The following ITGB8 variants were observed in gnomAD, a reference collection of about 807,000 sequenced individuals.
ITGB8 encodes the protein integrin beta-8.
In ITGB8, 30 loss-of-function variants were observed where a neutral mutation model predicts 89.5. The ratio of observed to expected loss-of-function variants is 0.34; its 90% CI spans 0.25 to 0.45. The LOEUF (loss-of-function observed/expected upper bound fraction) is 0.45. ITGB8 is among the 20% of genes least tolerant of loss of function. The probability of loss-of-function intolerance (pLI) is 1.00; values close to 1 mark genes in which losing one functional copy is unlikely to be tolerated. For missense variants in ITGB8, 836 were observed against 933.3 expected (o/e 0.90, Z 1.36); for synonymous variants, 335 against 320.4 (o/e 1.05, Z -0.49).
chr7:20,407,167 G>A (rs75187459), intron 12 of ITGB8, among the ~76,000 whole-genome samples: 2,102 of 152,204 alleles, frequency 0.014, 54 homozygotes, highest in African/African-American at 0.049. Flanking sequence ...GCCTTTCCAT[G>A]GAAGTACGTT....
At chr7:20,339,027 A>G (rs1355025928) in intron 1 of ITGB8, among the ~76,000 whole-genome samples, 3 of 152,096 alleles carry the variant, frequency 2.0e-5, no homozygotes, top group Admixed American at 2.0e-4. Flanking sequence ...CCCTGTCTCT[A>G]CTAAAAATAC....
At chr7:20,336,222 G>A (rs192995908) in intron 1 of ITGB8, among the ~76,000 whole-genome samples, 2 of 151,938 alleles carry the variant, frequency 1.3e-5, no homozygotes, top group South Asian at 4.2e-4. Context: ...AGCCAGGATC[G>A]TCTTGATCTC....
chr7:20,336,655 C>A (rs777450138), intron 1 of ITGB8, among the ~76,000 whole-genome samples: 8 of 152,164 alleles, frequency 5.3e-5, no homozygotes, highest in Non-Finnish European at 8.8e-5. Flanking sequence ...TCATTTCAAA[C>A]CTTTGTCCAC....
intron 1 of ITGB8, among the ~76,000 whole-genome samples, chr7:20,346,240 G>C (rs550417864): frequency 3.9e-5 from 6 of 152,304 alleles, no homozygotes; most frequent in Non-Finnish European, 5.9e-5. Context: ...AAGTTCTCAG[G>C]GGAGAGCCAG....
chr7:20,406,019 C>A, intron 11 of ITGB8, 43 bp from the exon 12 acceptor site: 1 of 1,179,840 alleles, frequency 8.5e-7, no homozygotes, highest in Non-Finnish European at 1.3e-6. Flanking sequence ...AGTCCACCAC[C>A]TTTTTAAAGA....
At position 20,331,529 on chromosome 7, in the gene ITGB8, C is replaced by T. The variant is rs961363922; in HGVS notation, c.-278C>T. The stretch of plus-strand genomic sequence containing the variant: ...GCCCTTGCAGAGCCCTCTCTCCAGT[C>T]GCCGCCGGGGCCCTTGGCCGTCGAA... On this transcript the variant is annotated 5_prime_UTR_variant, in exon 1 of 14. Coordinates refer to ENST00000222573, the MANE Select transcript of ITGB8 (RefSeq NM_002214.3). The T allele has an allele frequency of 3.4e-5, 15 of 441,086 alleles. No individual in the cohort carries two copies. The highest frequency in any genetic ancestry group is 1.7e-4 in the Admixed American group (4 of 22,902). The allele number at this position is 441,086 out of a possible 1,614,324, so 27.3% of individuals were successfully genotyped here.
chr7:20,345,190 G>A (rs10262599), intron 1 of ITGB8, among the ~76,000 whole-genome samples: 140,492 of 152,204 alleles, frequency 0.92, 64,910 homozygotes, highest in East Asian at 0.99. Context: ...CTGCCTCAAT[G>A]ATATATAACT....
intron 1 of ITGB8, among the ~76,000 whole-genome samples, chr7:20,350,342 T>C (rs1319079198): frequency 1.3e-5 from 2 of 152,190 alleles, no homozygotes; most frequent in Non-Finnish European, 2.9e-5. Context: ...GAGACGGGGT[T>C]TTGCCATGTT....
At chr7:20,373,891 T>A (rs1786031055) in intron 3 of ITGB8, among the ~76,000 whole-genome samples, 1 of 152,208 alleles carries the variant, frequency 6.6e-6, no homozygotes, top group Non-Finnish European at 1.5e-5. Context: ...TCAGAGATGC[T>A]CACACCATTC....
chr7:20,395,071 G>T, intron 8 of ITGB8, 86 bp downstream of exon 8: 1 of 734,764 alleles, frequency 1.4e-6, no homozygotes. Flanking sequence ...ATGTCATCTC[G>T]AGAGGAGGAG....
intron 6 of ITGB8, among the ~76,000 whole-genome samples, chr7:20,390,618 G>T (rs941803555): frequency 6.6e-6 from 1 of 152,094 alleles, no homozygotes; most frequent in African/African-American, 2.4e-5. Context: ...TGAGCATAAT[G>T]ATAAGTTGAG....
At chr7:20,351,531 A>AT (rs1443192417) in intron 1 of ITGB8, among the ~76,000 whole-genome samples, 2 of 152,212 alleles carry the variant, frequency 1.3e-5, no homozygotes, top group Non-Finnish European at 2.9e-5. Context: ...TAGATACTTG[A>AT]TTTTTTAAAT....
At chr7:20,348,136 G>C (rs1784990660) in intron 1 of ITGB8, among the ~76,000 whole-genome samples, 1 of 152,088 alleles carries the variant, frequency 6.6e-6, no homozygotes, top group Admixed American at 6.5e-5. Context: ...GTAAAGTTAG[G>C]GTCATATCTT....
intron 12 of ITGB8, 31 bp from the exon 13 acceptor site, chr7:20,409,584 T>C (rs1308591550): frequency 6.7e-7 from 1 of 1,498,362 alleles, no homozygotes; most frequent in East Asian, 2.3e-5. Flanking sequence ...ATTCCAATTT[T>C]TAATCCATTT....
chr7:20,335,701 G>C (rs936014011), intron 1 of ITGB8, among the ~76,000 whole-genome samples: 1 of 152,302 alleles, frequency 6.6e-6, no homozygotes, highest in Admixed American at 6.5e-5. Flanking sequence ...TCCATTGTGA[G>C]CAGGCTTTCT....
chr7:20,333,470 A>T (rs1014068840), intron 1 of ITGB8, among the ~76,000 whole-genome samples: 1 of 152,224 alleles, frequency 6.6e-6, no homozygotes, highest in African/African-American at 2.4e-5. Flanking sequence ...ACACATACAC[A>T]CTAGTAAAAT....
intron 6 of ITGB8, among the ~76,000 whole-genome samples, chr7:20,387,789 G>C (rs1399049068): frequency 2.6e-5 from 4 of 152,156 alleles, no homozygotes; most frequent in African/African-American, 9.7e-5. Flanking sequence ...AGTTATCACA[G>C]TGCAACTATG....
In ITGB8 at chr7:20,363,639, G is replaced by T; in HGVS notation, c.130G>T (p.Asp44Tyr). Reference protein sequence around the residue: ...SLVLGLGQGEDNRCASSNAAS... With the variant: ...SLVLGLGQGEYNRCASSNAAS... The stretch of plus-strand genomic sequence containing the variant: ...AACTGTTTTCTCCTTCATTGCAGAA[G>T]ACAATAGATGTGCATCTTCAAATGC... The change falls in exon 2 of 14, where the codon GAC (aspartate) becomes TAC (tyrosine). Residue 44 changes from aspartate (D) to tyrosine (Y), a missense_variant and splice_region_variant. Asp to Tyr is a radical substitution (Grantham distance 160). Coordinates refer to ENST00000222573, the MANE Select transcript of ITGB8 (RefSeq NM_002214.3). 4 of 1,571,676 alleles carry T rather than the reference G, an allele frequency of 2.5e-6. No individual in the cohort carries two copies. Among genetic ancestry groups the T allele is most frequent in the Non-Finnish European group, 3.4e-6 (4 of 1,160,246 alleles).
intron 1 of ITGB8, among the ~76,000 whole-genome samples, chr7:20,346,040 C>T (rs540801214): frequency 6.6e-6 from 1 of 152,178 alleles, no homozygotes; most frequent in South Asian, 2.1e-4. Context: ...TGCAACAATT[C>T]AGGATGGTGG....
Sources: gnomAD v4.1 joint callset for allele counts (sites outside exome capture counted in the v4.1 genomes callset) on GRCh38, gnomAD v4.1.1 for gene constraint, MANE v1.5 for transcripts, NCBI Gene and HGNC (gene_info 2026-07-23, HGNC 2026-07-21) for gene names.